Variants in FGD1 observed in about 807,000 individuals in gnomAD.
The protein encoded by FGD1 is FYVE, RhoGEF and PH domain-containing protein 1.
A neutral mutation model predicts 65.0 loss-of-function variants in FGD1; 12 were observed. The observed-to-expected ratio is 0.18, with a 90% CI of 0.12 to 0.30. The LOEUF (loss-of-function observed/expected upper bound fraction) is 0.30, where lower values mean the gene tolerates loss of function less well. FGD1 is among the 10% of genes least tolerant of loss of function. The probability of loss-of-function intolerance (pLI) is 1.00; values close to 1 mark genes in which losing one functional copy is unlikely to be tolerated. For missense variants in FGD1, 542 were observed against 837.6 expected, an observed-to-expected ratio of 0.65 and a Z score of 4.36; for synonymous variants, 333 against 343.9, an observed-to-expected ratio of 0.97 and a Z score of 0.35.
chrX:54,480,217 T>C (rs1432403517), intron 1 of FGD1, among the ~76,000 whole-genome samples: 5 of 112,353 alleles, frequency 4.5e-5, no homozygotes, highest in Non-Finnish European at 9.4e-5. Context: ...AAGGCCCTTC[T>C]GTAAAGGGAA....
At position 54,449,110 on chromosome X, in the gene FGD1, T is replaced by G. The variant is rs201232039; in HGVS notation, c.2274+33A>C. 4.2e-5 allele frequency: 51 copies of G among 1,210,136 alleles called. No individual in the cohort carries two copies. The African/African-American group carries it at 7.5e-4, about 18-fold the overall frequency. On this transcript the variant is annotated intron_variant, in intron 15 of 17. Coordinates refer to ENST00000375135, the MANE Select transcript of FGD1 (RefSeq NM_004463.3). Reference sequence around the variant, plus strand: ...GCCTTTGGGCTGCCATTCTGTCCCCTCCCTAGCTCTGCCCCTGCCTCCCAA... The same window carrying G: ...GCCTTTGGGCTGCCATTCTGTCCCCGCCCTAGCTCTGCCCCTGCCTCCCAA...
Position 54,455,717 on chromosome X carries a change from G to A in FGD1, c.1910C>T (p.Ala637Val). 8.4e-7 allele frequency: 1 copy of A among 1,193,232 alleles called. No individual in the cohort carries two copies. The highest frequency in any genetic ancestry group is 1.1e-6 in the Non-Finnish European group (1 of 884,910). The change falls in exon 11 of 18, where the codon GCA becomes GTA. Residue 637 changes from alanine to valine, a missense_variant. Ala to Val is a moderately conservative substitution (Grantham distance 64). Transcript: ENST00000375135. ...CTCCATGCCATCTACATCAATGCGT[G>A]CCCGCACGCTAAACTTCTGGCCAAG... is the stretch of plus-strand genomic sequence containing the variant. ...RLLGQKFSVRARIDVDGMELK... is the reference protein window; with the variant it reads ...RLLGQKFSVRVRIDVDGMELK...
At chrX:54,454,712 G>A (rs1922457700) in intron 12 of FGD1, among the ~76,000 whole-genome samples, 1 of 109,665 alleles carries the variant, frequency 9.1e-6, no homozygotes, top group African/African-American at 3.3e-5. Flanking sequence ...GGGCCACTGT[G>A]TATATATGGT....
At position 54,448,685 on chromosome X, in the gene FGD1, T is replaced by G; in HGVS notation, c.2436+121A>C. ...TCACTCTTGCCGTCATTTTATTCAC[T>G]CCAAGCCTGGGTCCCTTGATCACTA... On this transcript the variant is annotated intron_variant, in intron 16 of 17. Transcript: ENST00000375135. The G allele has an allele frequency of 7.0e-6, 5 of 713,034 alleles. No individual in the cohort carries two copies. In the Middle Eastern group the frequency reaches 1.8e-3, roughly 261 times the overall value. The allele number at this position is 713,034 out of a possible 1,213,427, so 58.8% of individuals were successfully genotyped here.
intron 17 of FGD1, 94 bp from the exon 18 acceptor site, chrX:54,446,508 G>GTCCCCTACTCAGGAAC (rs1275270932): frequency 3.5e-6 from 3 of 854,579 alleles, no homozygotes; most frequent in East Asian, 3.4e-5. Context: ...TCTGTCTTCA[G>GTCCCCTACTCAGGAAC]TCCCCTACTC....
chrX:54,461,499 G>T (rs1420895207), intron 8 of FGD1, among the ~76,000 whole-genome samples: 3 of 104,734 alleles, frequency 2.9e-5, no homozygotes, highest in East Asian at 6.1e-4. Context: ...TACTTGGGAG[G>T]CTGAGGCTGC....
chrX:54,481,906 C>T (rs765053346), intron 1 of FGD1, among the ~76,000 whole-genome samples: 2 of 109,774 alleles, frequency 1.8e-5, no homozygotes, highest in African/African-American at 3.3e-5. Context: ...AGCAGACACC[C>T]CCTTCCCTAC....
intron 1 of FGD1, among the ~76,000 whole-genome samples, chrX:54,479,384 C>T (rs1442233659): frequency 8.9e-6 from 1 of 111,920 alleles, no homozygotes; most frequent in Non-Finnish European, 1.9e-5. Flanking sequence ...CCAGACTGGC[C>T]CTTGGCCATT....
chrX:54,446,373 C>T lies in FGD1; in HGVS notation c.2622G>A (p.Glu874=), dbSNP rs1473381365. ...GCTCCCCTGCCTCGGGCGGTCCCAC[C>T]TCGAAGCCAATGAGGGGCAGGCTGC... The part of the protein sequence containing the change: ...AQRSLPLIGF[E]VGPPEAGERP... Residue 874 remains glutamate, a synonymous_variant, in exon 18 of 18, where the codon GAG becomes GAA. Transcript: ENST00000375135. The T allele has an allele frequency of 8.3e-7, 1 of 1,209,477 alleles. No individual in the cohort carries two copies. Among genetic ancestry groups the T allele is most frequent in the Non-Finnish European group, 1.1e-6 (1 of 894,869 alleles).
chrX:54,480,502 T>C (rs1389889941), intron 1 of FGD1, among the ~76,000 whole-genome samples: 1 of 111,021 alleles, frequency 9.0e-6, no homozygotes, highest in East Asian at 2.8e-4. Context: ...CCATGGGGAA[T>C]GGTGGGGACT....
At position 54,484,568 on chromosome X, in the gene FGD1, G is replaced by C. The variant is rs1923229697; in HGVS notation, c.307+10558C>G. ...GTGGTATTACAAATAGGGAAACTAAGACCCTGAGAGGGGAAGGGAGGCCTG... is the reference window on the plus strand; with the variant it reads ...GTGGTATTACAAATAGGGAAACTAACACCCTGAGAGGGGAAGGGAGGCCTG... On this transcript the variant is annotated intron_variant, in intron 1 of 17. Coordinates refer to ENST00000375135, the MANE Select transcript of FGD1 (RefSeq NM_004463.3). Among the ~76,000 whole-genome samples the C allele has an allele frequency of 4.5e-5, 5 of 112,104 alleles. No individual in the cohort carries two copies. The Admixed American group carries it at 4.7e-4, about 11-fold the overall frequency.
Position 54,495,516 on chromosome X carries a change from C to T in FGD1, c.-84G>A. 2.9e-6 allele frequency: 2 copies of T among 688,477 alleles called. No individual in the cohort carries two copies. The highest frequency in any genetic ancestry group is 3.7e-6 in the Non-Finnish European group (2 of 536,040). 56.7% of individuals were successfully genotyped at this position (688,477 alleles called of 1,213,427 possible). A position where few individuals can be genotyped will look rare whatever the true frequency, so the allele number is the denominator to read the frequency against. On this transcript the variant is annotated 5_prime_UTR_variant, in exon 1 of 18. Coordinates refer to ENST00000375135, the MANE Select transcript of FGD1 (RefSeq NM_004463.3). ...GGCGCGGGCGGAGGAGGCCCGGCGC[C>T]CGGCGGAGCAGCGGCCTCAGGATCG... is the stretch of plus-strand genomic sequence containing the variant.
intron 1 of FGD1, among the ~76,000 whole-genome samples, chrX:54,485,749 G>A (rs1424615483): frequency 9.1e-6 from 1 of 109,702 alleles, no homozygotes; most frequent in African/African-American, 3.4e-5. Flanking sequence ...AGGATTACAG[G>A]TGTGAGGCAC....
chrX:54,452,266 C>CA (rs776104292), intron 12 of FGD1, among the ~76,000 whole-genome samples: 3,707 of 28,188 alleles, frequency 0.13, 440 homozygotes, highest in African/African-American at 0.29. Context: ...GACCCTATCT[C>CA]AAAAAAAAAA....
intron 1 of FGD1, 70 bp from the exon 2 acceptor site, chrX:54,471,557 G>T: frequency 9.9e-7 from 1 of 1,011,324 alleles, no homozygotes; most frequent in Non-Finnish European, 1.4e-6. Context: ...TTAAAGTTAG[G>T]ACTGGCATGT....
intron 8 of FGD1, among the ~76,000 whole-genome samples, chrX:54,464,371 C>T (rs1003906032): frequency 8.1e-5 from 9 of 110,957 alleles, no homozygotes; most frequent in Non-Finnish European, 1.5e-4. Flanking sequence ...TGACCTCAGG[C>T]GATCCCCCGG....
chrX:54,465,401 A>G (rs1305209422), intron 8 of FGD1, 50 bp downstream of exon 8: 7 of 1,169,196 alleles, frequency 6.0e-6, no homozygotes, highest in Non-Finnish European at 8.1e-6. Context: ...GGTCTGGCCT[A>G]GAGCTATTAG....
chrX:54,478,699 T>A (rs1261415659), intron 1 of FGD1, among the ~76,000 whole-genome samples: 1 of 110,156 alleles, frequency 9.1e-6, no homozygotes, highest in Non-Finnish European at 1.9e-5. Flanking sequence ...AAGAGCACAG[T>A]GACCCACCCC....
At chrX:54,450,697 A>G (rs1922355171) in intron 12 of FGD1, among the ~76,000 whole-genome samples, 1 of 111,154 alleles carries the variant, frequency 9.0e-6, no homozygotes, top group Admixed American at 9.7e-5. Context: ...CCTCAGGTAG[A>G]GGGGTAAGGG....
Sources: gnomAD v4.1 joint callset for allele counts (sites outside exome capture counted in the v4.1 genomes callset) on GRCh38, gnomAD v4.1.1 for gene constraint, MANE v1.5 for transcripts, NCBI Gene and HGNC (gene_info 2026-07-23, HGNC 2026-07-21) for gene names.